IFT81: variants seen among roughly 807,000 people sequenced by gnomAD.
The protein encoded by IFT81 is intraflagellar transport protein 81 homolog.
Under a neutral mutation model 102.6 loss-of-function variants are expected in IFT81, and 72 were observed. That is an observed-to-expected ratio of 0.70 (90% confidence interval 0.58 to 0.85). The LOEUF is 0.85. Ranked by LOEUF, IFT81 falls within the 40% of genes least tolerant of loss-of-function variation. IFT81 has a pLI of 0.00. For missense variants in IFT81, 723 were observed against 787.3 expected (o/e 0.92, Z 0.98); for synonymous variants, 237 against 242.7 (o/e 0.98, Z 0.22).
At chr12:110,161,564 CT>C (rs1281161701) in intron 10 of IFT81, among the ~76,000 whole-genome samples, 20 of 152,112 alleles carry the variant, frequency 1.3e-4, no homozygotes, top group African/African-American at 4.8e-4. Flanking sequence ...CTATCTCAGC[CT>C]GCCAAGTAGC....
At chr12:110,172,935 AG>A in intron 11 of IFT81, among the ~76,000 whole-genome samples, 1 of 148,612 alleles carries the variant, frequency 6.7e-6, no homozygotes, top group Non-Finnish European at 1.5e-5. Flanking sequence ...CCCGTCCGGG[AG>A]GGAGGTGGGG....
At chr12:110,134,499 T>A (rs1199638520) in intron 5 of IFT81, among the ~76,000 whole-genome samples, 1 of 152,228 alleles carries the variant, frequency 6.6e-6, no homozygotes, top group African/African-American at 2.4e-5. Flanking sequence ...TACAAACTTA[T>A]GTCATGAAAA....
intron 14 of IFT81, among the ~76,000 whole-genome samples, chr12:110,193,432 A>C (rs2137552739): frequency 6.6e-6 from 1 of 152,284 alleles, no homozygotes; most frequent in East Asian, 1.9e-4. Flanking sequence ...CACTGCTAGG[A>C]GGCACGGTGC....
chr12:110,150,060 C>A (rs1292283113), intron 10 of IFT81, among the ~76,000 whole-genome samples: 1 of 152,062 alleles, frequency 6.6e-6, no homozygotes, highest in African/African-American at 2.4e-5. Context: ...AAACCACAGT[C>A]TGGGTGTTAG....
intron 10 of IFT81, among the ~76,000 whole-genome samples, chr12:110,156,061 TA>T (rs778274102): frequency 2.0e-5 from 3 of 152,228 alleles, no homozygotes; most frequent in Non-Finnish European, 4.4e-5. Context: ...ATTAATCTCT[TA>T]AATTATATCT....
At chr12:110,134,086 C>T (rs1894340650) in intron 5 of IFT81, among the ~76,000 whole-genome samples, 1 of 152,088 alleles carries the variant, frequency 6.6e-6, no homozygotes, top group East Asian at 1.9e-4. Context: ...CTGCAACCTC[C>T]ACCTCCTGGG....
intron 12 of IFT81, among the ~76,000 whole-genome samples, chr12:110,187,904 G>A (rs1252736459): frequency 4.6e-5 from 7 of 152,110 alleles, no homozygotes; most frequent in African/African-American, 1.7e-4. Context: ...ACCTTCTAAG[G>A]AGTAGACCTT....
rs79427437 is a variant in IFT81, at chr12:110,147,632, A to G, written c.1041+584A>G. 9.0e-3 allele frequency among the ~76,000 whole-genome samples: 1,376 copies of G among 152,340 alleles called. 31 individuals carry two copies. Among genetic ancestry groups the G allele is most frequent in the African/African-American group, 0.032 (1,321 of 41,582 alleles). Reference sequence around the variant, plus strand: ...ACAACCTCAGAAAATACTAAGCTACATAACAAAGCATTATTTAAGGACATT... The same window carrying G: ...ACAACCTCAGAAAATACTAAGCTACGTAACAAAGCATTATTTAAGGACATT... On this transcript the variant is annotated intron_variant, in intron 10 of 18. Coordinates refer to ENST00000242591, the MANE Select transcript of IFT81 (RefSeq NM_014055.4).
intron 1 of IFT81, among the ~76,000 whole-genome samples, chr12:110,125,865 T>G (rs1456520028): frequency 6.6e-6 from 1 of 152,200 alleles, no homozygotes; most frequent in East Asian, 1.9e-4. Context: ...TGTGAACAAG[T>G]TCATTCAATC....
chr12:110,138,605 G>T (rs868581533), intron 8 of IFT81, among the ~76,000 whole-genome samples: 1 of 152,022 alleles, frequency 6.6e-6, no homozygotes, highest in Non-Finnish European at 1.5e-5. Context: ...GCTAATTTTT[G>T]TGTTTTTAGT....
chr12:110,151,330 A>G (rs1895514413), intron 10 of IFT81, among the ~76,000 whole-genome samples: 1 of 152,176 alleles, frequency 6.6e-6, no homozygotes, highest in African/African-American at 2.4e-5. Context: ...TTTAAAGTCC[A>G]TCCATGTTGT....
At chr12:110,191,416 C>A (rs937578405) in intron 13 of IFT81, among the ~76,000 whole-genome samples, 11 of 152,078 alleles carry the variant, frequency 7.2e-5, no homozygotes, top group Non-Finnish European at 1.3e-4. Context: ...AGTGATCCAC[C>A]TGCCTCAGCC....
At chr12:110,126,992 C>T (rs770495552) in intron 1 of IFT81, among the ~76,000 whole-genome samples, 2 of 152,174 alleles carry the variant, frequency 1.3e-5, no homozygotes, top group African/African-American at 4.8e-5. Context: ...ATCTGTTAGG[C>T]TTGCAGTCAG....
intron 12 of IFT81, among the ~76,000 whole-genome samples, chr12:110,188,802 G>A (rs111773428): frequency 1.1e-4 from 16 of 151,350 alleles, no homozygotes; most frequent in African/African-American, 2.4e-4. Flanking sequence ...AGTGGCACGC[G>A]CCTGTAATCC....
At chr12:110,214,360 T>C (rs1869826932) in intron 18 of IFT81, among the ~76,000 whole-genome samples, 12 of 152,066 alleles carry the variant, frequency 7.9e-5, no homozygotes, top group Admixed American at 7.9e-4. Flanking sequence ...AATGTCAGAC[T>C]GTATCATTTA....
chr12:110,180,473 A>G lies in IFT81; in HGVS notation c.1240A>G (p.Lys414Glu), dbSNP rs1397910573. The change falls in exon 12 of 19, where the codon AAG becomes GAG. Residue 414 changes from lysine (K) to glutamate (E), a missense_variant. Lys to Glu is a moderately conservative substitution (Grantham distance 56). Transcript: ENST00000242591. ...LRSKSTVFKK[K>E]HQIIAELKAE... is the part of the protein sequence containing the mutation. ...AAGCAAGAGTACAGTTTTCAAAAAG[A>G]AGCATCAGATAATAGCTGAACTTAA... 1.2e-6 allele frequency: 2 copies of G among 1,610,570 alleles called. No homozygotes were observed. Among genetic ancestry groups the G allele is most frequent in the Non-Finnish European group, 8.5e-7 (1 of 1,177,318 alleles).
rs941225456 is a variant in IFT81 at position 110,128,747 on chromosome 12, G to A, written c.249-203G>A. On this transcript the variant is annotated intron_variant, in intron 3 of 18. Coordinates refer to ENST00000242591, the MANE Select transcript of IFT81 (RefSeq NM_014055.4). ...GGAGGTTAAGGCTTTGGTGAGCTGC[G>A]TTGTGCTCAAGCCTGGGCAATAAAG... is the stretch of plus-strand genomic sequence containing the variant. Among the ~76,000 whole-genome samples the A allele has an allele frequency of 4.3e-5, 6 of 139,292 alleles. No individual in the cohort carries two copies. In the East Asian group the frequency reaches 1.0e-3, roughly 24 times the overall value. The allele number at this position is 139,292 out of a possible 152,430, so 91.4% of individuals were successfully genotyped here.
chr12:110,144,438 A>G (rs937785691), intron 9 of IFT81, among the ~76,000 whole-genome samples: 38 of 151,350 alleles, frequency 2.5e-4, no homozygotes, highest in African/African-American at 8.5e-4. Context: ...GCTGGTCTCA[A>G]ACTCCTGACC....
intron 10 of IFT81, among the ~76,000 whole-genome samples, chr12:110,148,539 G>A (rs1034346511): frequency 1.1e-4 from 17 of 151,432 alleles, no homozygotes; most frequent in African/African-American, 2.9e-4. Context: ...GCAGTGGTGC[G>A]ATCTCGGCTC....
Sources: gnomAD v4.1 joint callset for allele counts (sites outside exome capture counted in the v4.1 genomes callset) on GRCh38, gnomAD v4.1.1 for gene constraint, MANE v1.5 for transcripts, NCBI Gene and HGNC (gene_info 2026-07-23, HGNC 2026-07-21) for gene names.